The following ZNF782 variants were observed in gnomAD, a reference collection of about 807,000 sequenced individuals.
ZNF782 encodes the protein zinc finger protein 782.
ZNF782 carries 12 observed loss-of-function variants against 13.0 expected under a neutral mutation model. That is an observed-to-expected ratio of 0.92 (90% CI 0.59 to 1.50). ZNF782 has a LOEUF of 1.50. Among genes scored for constraint, ZNF782 ranks in the 40% most tolerant of loss-of-function variants. The pLI is 0.00. For missense variants in ZNF782, 770 were observed against 822.9 expected (o/e 0.94, Z 0.79); for synonymous variants, 284 against 283.0 (o/e 1.00, Z -0.04).
intron 3 of ZNF782, among the ~76,000 whole-genome samples, chr9:96,847,779 T>G (rs1328356659): frequency 2.0e-5 from 3 of 152,126 alleles, no homozygotes; most frequent in Non-Finnish European, 4.4e-5. Flanking sequence ...CAGAAACTAT[T>G]CCACAAGATT....
intron 5 of ZNF782, 87 bp from the exon 6 acceptor site, chr9:96,819,865 T>C (rs536114492): frequency 9.6e-7 from 1 of 1,042,362 alleles, no homozygotes; most frequent in Admixed American, 3.8e-5. Flanking sequence ...TGCCCTATTA[T>C]GTATTTGATT....
intron 5 of ZNF782, among the ~76,000 whole-genome samples, chr9:96,821,257 C>A (rs928022232): frequency 1.2e-4 from 19 of 152,334 alleles, no homozygotes; most frequent in Middle Eastern, 3.4e-3. Context: ...ACTGCAACAG[C>A]CCACAGTCTT....
At position 96,851,966 on chromosome 9, in the gene ZNF782, T is replaced by C; in HGVS notation, c.-5A>G. On this transcript the variant is annotated 5_prime_UTR_variant, in exon 3 of 6. Coordinates refer to ENST00000481138, the MANE Select transcript of ZNF782 (RefSeq NM_001001662.3). ...GCTTACCTGAAATGTGTTCATTTTCTGTGGCTCTTGGGAGAGTATAGAGAA... is the reference window on the plus strand; with the variant it reads ...GCTTACCTGAAATGTGTTCATTTTCCGTGGCTCTTGGGAGAGTATAGAGAA... The C allele has an allele frequency of 6.2e-7, 1 of 1,614,042 alleles. No individual in the cohort carries two copies. Among genetic ancestry groups the C allele is most frequent in the Admixed American group, 1.7e-5 (1 of 60,026 alleles).
chr9:96,910,361 G>A, the ZNF782 span: 1 of 593,888 alleles, frequency 1.7e-6, no homozygotes, highest in Non-Finnish European at 3.2e-6. Flanking sequence ...TGATGAGGAT[G>A]ATGATGTCGA....
At chr9:96,847,482 C>T (rs1245916376) in intron 3 of ZNF782, among the ~76,000 whole-genome samples, 1 of 152,014 alleles carries the variant, frequency 6.6e-6, no homozygotes, top group African/African-American at 2.4e-5. Context: ...AAACTGGAAA[C>T]ATTACAACCG....
At chr9:96,887,699 C>T in the ZNF782 span, 1 of 152,152 alleles carries the variant, frequency 6.6e-6, no homozygotes, top group African/African-American at 2.4e-5. Context: ...AATCATGCTA[C>T]TATAAAGACA....
chr9:96,896,798 G>A, the ZNF782 span, among the ~76,000 whole-genome samples: 1 of 152,204 alleles, frequency 6.6e-6, no homozygotes, highest in Non-Finnish European at 1.5e-5. Context: ...GAGATCCAAT[G>A]GTGCTTGAAG....
At chr9:96,827,291 C>T in intron 4 of ZNF782, 110 bp from the exon 5 acceptor site, 3 of 635,966 alleles carry the variant, frequency 4.7e-6, no homozygotes, top group Non-Finnish European at 5.1e-6. Context: ...GCTCACTGGA[C>T]CTTCCTTGGG....
At chr9:96,885,349 T>C in the ZNF782 span, among the ~76,000 whole-genome samples, 79 of 151,674 alleles carry the variant, frequency 5.2e-4, 1 homozygote, top group South Asian at 0.015. Flanking sequence ...ATAACCACAA[T>C]AAAAAGCCTG....
chr9:96,930,963 C>T, the ZNF782 span, among the ~76,000 whole-genome samples: 10 of 134,520 alleles, frequency 7.4e-5, no homozygotes, highest in African/African-American at 1.1e-4. Flanking sequence ...GGCACGATCT[C>T]GGCTCACTGC....
At chr9:96,823,533 CT>C (rs1437202824) in intron 5 of ZNF782, among the ~76,000 whole-genome samples, 1 of 152,150 alleles carries the variant, frequency 6.6e-6, no homozygotes, top group Non-Finnish European at 1.5e-5. Flanking sequence ...TGCCCTTTCT[CT>C]TCTCTGTTTT....
chr9:96,895,976 G>C, the ZNF782 span: 1 of 152,174 alleles, frequency 6.6e-6, no homozygotes, highest in Non-Finnish European at 1.5e-5. Context: ...CCACCATCAA[G>C]GACTTGAAGG....
chr9:96,888,588 C>T, the ZNF782 span: 8 of 152,154 alleles, frequency 5.3e-5, no homozygotes, highest in Non-Finnish European at 1.0e-4. Flanking sequence ...TTTGCAGACT[C>T]CTTCCTTTGG....
the ZNF782 span, chr9:96,903,166 A>G: frequency 6.6e-6 from 1 of 151,734 alleles, no homozygotes; most frequent in South Asian, 2.1e-4. Flanking sequence ...GATACAAAAG[A>G]GCTCTATCAC....
upstream of ZNF782, among the ~76,000 whole-genome samples, chr9:96,855,877 T>C (rs1349010510): frequency 6.6e-6 from 1 of 152,230 alleles, no homozygotes; most frequent in Non-Finnish European, 1.5e-5. Context: ...CCACCGGCAG[T>C]GTAGAAGTTT....
At chr9:96,848,783 C>T (rs981647447) in intron 3 of ZNF782, among the ~76,000 whole-genome samples, 9 of 152,186 alleles carry the variant, frequency 5.9e-5, no homozygotes, top group Non-Finnish European at 1.2e-4. Flanking sequence ...ATGCAATTCT[C>T]ATCAAAATAC....
chr9:96,844,347 T>C (rs181820674), intron 4 of ZNF782, among the ~76,000 whole-genome samples: 19 of 152,320 alleles, frequency 1.2e-4, no homozygotes, highest in Admixed American at 1.0e-3. Context: ...ATTCCGTATG[T>C]TGACCAACTG....
At position 96,837,133 on chromosome 9, in the gene ZNF782, T is replaced by C. The variant is rs578138076; in HGVS notation, c.142+7757A>G. Among the ~76,000 whole-genome samples the C allele has an allele frequency of 1.9e-4, 29 of 152,364 alleles. 1 individual carries two copies. In the South Asian group the frequency reaches 5.0e-3, roughly 26 times the overall value. ...TTCCTTACTTTCTGGTTCTACAAGA[T>C]GCCCCACACTCATCTTGTACATTTC... On this transcript the variant is annotated intron_variant, in intron 4 of 5. Transcript: ENST00000481138.
At chr9:96,866,644 G>A (rs1044976685) in intron 1 of ZNF782, among the ~76,000 whole-genome samples, 1 of 152,180 alleles carries the variant, frequency 6.6e-6, no homozygotes, top group Admixed American at 6.5e-5. Context: ...TCAGACCCCA[G>A]AATGGTAGAT....
Sources: gnomAD v4.1 joint callset for allele counts (sites outside exome capture counted in the v4.1 genomes callset) on GRCh38, gnomAD v4.1.1 for gene constraint, MANE v1.5 for transcripts, NCBI Gene and HGNC (gene_info 2026-07-23, HGNC 2026-07-21) for gene names.